Variants in DDX10 observed in about 807,000 individuals in gnomAD.
DDX10 encodes probable ATP-dependent RNA helicase DDX10.
Under a neutral mutation model 104.3 loss-of-function variants are expected in DDX10, and 74 were observed. The ratio of observed to expected loss-of-function variants is 0.71; its 90% CI spans 0.59 to 0.86. The LOEUF (loss-of-function observed/expected upper bound fraction) is 0.86. DDX10 is among the 40% of genes least tolerant of loss of function. DDX10 has a pLI of 0.00. For synonymous variants in DDX10, 351 were observed against 353.4 expected (o/e 0.99, Z 0.08); for missense variants, 952 against 1,040.0 (o/e 0.92, Z 1.16).
At chr11:108,893,907 A>G (rs1863407447) in intron 16 of DDX10, among the ~76,000 whole-genome samples, 3 of 152,108 alleles carry the variant, frequency 2.0e-5, no homozygotes, top group South Asian at 2.1e-4. Context: ...CCAAGTATTC[A>G]TCTACCCAAA....
intron 13 of DDX10, among the ~76,000 whole-genome samples, chr11:108,784,219 A>G (rs935750705): frequency 2.6e-5 from 4 of 152,196 alleles, no homozygotes; most frequent in Non-Finnish European, 2.9e-5. Flanking sequence ...GTTCTTTGAG[A>G]TATCTCCAAA....
intron 16 of DDX10, among the ~76,000 whole-genome samples, chr11:108,894,451 A>G (rs1476207852): frequency 6.6e-6 from 1 of 152,008 alleles, no homozygotes; most frequent in Non-Finnish European, 1.5e-5. Context: ...ATTATAAGCC[A>G]TTGCTTGTTA....
At chr11:108,884,580 A>T (rs1464142567) in intron 16 of DDX10, among the ~76,000 whole-genome samples, 1 of 152,138 alleles carries the variant, frequency 6.6e-6, no homozygotes, top group Non-Finnish European at 1.5e-5. Context: ...AAGTCACAGC[A>T]CTGGATCGTA....
chr11:108,880,446 A>T (rs1458017284), intron 16 of DDX10, among the ~76,000 whole-genome samples: 3 of 152,158 alleles, frequency 2.0e-5, no homozygotes, highest in African/African-American at 7.2e-5. Context: ...GCATTGCCTT[A>T]TGTGTTGGAT....
intron 1 of DDX10, among the ~76,000 whole-genome samples, chr11:108,667,696 C>G (rs938689322): frequency 6.6e-6 from 1 of 152,194 alleles, no homozygotes; most frequent in Non-Finnish European, 1.5e-5. Context: ...GCTTCTTGTG[C>G]TTCTCATCCT....
chr11:108,928,109 A>G (rs1054633870), intron 17 of DDX10, among the ~76,000 whole-genome samples: 1 of 151,928 alleles, frequency 6.6e-6, no homozygotes, highest in African/African-American at 2.4e-5. Context: ...CATGGCAGGT[A>G]CCAATGATTA....
At chr11:108,827,537 A>G (rs1464052450) in intron 13 of DDX10, among the ~76,000 whole-genome samples, 1 of 152,206 alleles carries the variant, frequency 6.6e-6, no homozygotes, top group Admixed American at 6.5e-5. Flanking sequence ...TAAACATAAG[A>G]TTGGTAAATA....
chr11:108,873,858 A>G (rs1321601266), intron 16 of DDX10, among the ~76,000 whole-genome samples: 2 of 152,192 alleles, frequency 1.3e-5, no homozygotes, highest in Admixed American at 1.3e-4. Flanking sequence ...TAAATCACCA[A>G]TCCCAAGTAA....
chr11:108,680,145 A>G (rs2094232633), intron 6 of DDX10, among the ~76,000 whole-genome samples: 1 of 152,256 alleles, frequency 6.6e-6, no homozygotes, highest in African/African-American at 2.4e-5. Flanking sequence ...ATTAAAAACT[A>G]GAGCTTAAAG....
chr11:108,805,713 C>T (rs1862088873), intron 13 of DDX10, among the ~76,000 whole-genome samples: 1 of 152,140 alleles, frequency 6.6e-6, no homozygotes, highest in African/African-American at 2.4e-5. Context: ...TCAGAGATAA[C>T]AAATTTCTTG....
intron 13 of DDX10, among the ~76,000 whole-genome samples, chr11:108,823,921 C>T (rs1378233971): frequency 6.6e-6 from 1 of 152,188 alleles, no homozygotes; most frequent in East Asian, 1.9e-4. Context: ...GCTACTGGCA[C>T]ATTCTTGCTG....
intron 12 of DDX10, among the ~76,000 whole-genome samples, chr11:108,722,222 G>A (rs987276983): frequency 7.2e-5 from 11 of 152,128 alleles, no homozygotes; most frequent in Non-Finnish European, 2.9e-5. Context: ...TTTGAACCAT[G>A]TCAGATAGGA....
chr11:108,722,117 G>A (rs2094299049), intron 12 of DDX10, among the ~76,000 whole-genome samples: 2 of 152,096 alleles, frequency 1.3e-5, no homozygotes, highest in South Asian at 2.1e-4. Context: ...AATCATATTC[G>A]TAAGATCTCA....
chr11:108,703,393 G>C (rs948816761), intron 9 of DDX10, among the ~76,000 whole-genome samples: 3 of 151,768 alleles, frequency 2.0e-5, no homozygotes, highest in African/African-American at 7.3e-5. Context: ...GCAGTGGCGC[G>C]ATCTCTGCTC....
At chr11:108,934,381 C>T (rs548286165) in intron 17 of DDX10, among the ~76,000 whole-genome samples, 5 of 152,158 alleles carry the variant, frequency 3.3e-5, no homozygotes, top group African/African-American at 1.2e-4. Flanking sequence ...GTAGAAACAT[C>T]CAGGAGCTGG....
In DDX10 at chr11:108,761,980, C is replaced by T. The variant is rs11212779; in HGVS notation, c.1965+38518C>T. ...AAAAATCAAAGTTTGAGTTACTGCC[C>T]TCATTAAAAATGAGTACAGTTGACA... is the stretch of plus-strand genomic sequence containing the variant. On this transcript the variant is annotated intron_variant, in intron 13 of 17. Coordinates refer to ENST00000322536, the MANE Select transcript of DDX10 (RefSeq NM_004398.4). 9.5e-3 allele frequency among the ~76,000 whole-genome samples: 1,451 copies of T among 152,188 alleles called. 18 individuals are homozygous for T. Among genetic ancestry groups the T allele is most frequent in the African/African-American group, 0.033 (1,357 of 41,530 alleles).
chr11:108,918,365 C>G (rs977416010), intron 17 of DDX10: 3 of 297,576 alleles, frequency 1.0e-5, no homozygotes, highest in African/African-American at 6.5e-5. Context: ...CTGTTCTCTG[C>G]AAACAGAGTT....
At chr11:108,812,695 C>A (rs887599986) in intron 13 of DDX10, among the ~76,000 whole-genome samples, 4 of 151,924 alleles carry the variant, frequency 2.6e-5, no homozygotes, top group Admixed American at 2.0e-4. Context: ...TAAAAAAATG[C>A]CATCAGCTGG....
At position 108,830,305 on chromosome 11, in the gene DDX10, C is replaced by T. The variant is rs573047791; in HGVS notation, c.1966-8141C>T. On this transcript the variant is annotated intron_variant, in intron 13 of 17. Coordinates refer to ENST00000322536, the MANE Select transcript of DDX10 (RefSeq NM_004398.4). Reference sequence around the variant, plus strand: ...TTTAGGTATATTTCTAAGTATTTTACGTTTTTTTGCAGCTATTCTGAAAGA... The same window carrying T: ...TTTAGGTATATTTCTAAGTATTTTATGTTTTTTTGCAGCTATTCTGAAAGA... 4.6e-5 allele frequency among the ~76,000 whole-genome samples: 7 copies of T among 152,156 alleles called. No individual in the cohort carries two copies. The South Asian group carries it at 1.0e-3, about 23-fold the overall frequency.
Sources: allele counts gnomAD v4.1 joint callset (sites outside exome capture counted in the v4.1 genomes callset), GRCh38; gene constraint gnomAD v4.1.1; transcripts MANE v1.5; gene names NCBI Gene and HGNC (gene_info 2026-07-23, HGNC 2026-07-21).